DLGAP3: variants seen among roughly 807,000 people sequenced by gnomAD.
DLGAP3 encodes the protein disks large-associated protein 3.
A neutral mutation model predicts 81.2 loss-of-function variants in DLGAP3; 17 were observed. The observed-to-expected ratio is 0.21, with a 90% CI of 0.14 to 0.31. DLGAP3 has a LOEUF of 0.31. DLGAP3 is among the 10% of genes least tolerant of loss of function. DLGAP3 has a pLI of 1.00. For synonymous variants in DLGAP3, 577 were observed against 587.4 expected (o/e 0.98, Z 0.26); for missense variants, 1,124 against 1,388.0 (o/e 0.81, Z 3.02).
At chr1:34,928,681 C>G (rs761219824) in intron 1 of DLGAP3, among the ~76,000 whole-genome samples, 2 of 151,962 alleles carry the variant, frequency 1.3e-5, no homozygotes, top group African/African-American at 4.8e-5. Context: ...CAGAGTGAAC[C>G]GCGCTCAGAT....
At chr1:34,887,510 T>G (rs1201798858) in intron 5 of DLGAP3, among the ~76,000 whole-genome samples, 1 of 152,100 alleles carries the variant, frequency 6.6e-6, no homozygotes, top group Non-Finnish European at 1.5e-5. Context: ...CCACAGAGGT[T>G]GCAGCTTCAT....
chr1:34,899,376 C>A (rs1268069707), intron 5 of DLGAP3, among the ~76,000 whole-genome samples: 2 of 152,294 alleles, frequency 1.3e-5, no homozygotes, highest in Non-Finnish European at 2.9e-5. Flanking sequence ...CCAATCCTAC[C>A]TTTTACATGG....
chr1:34,921,687 G>A (rs150807615), intron 1 of DLGAP3, among the ~76,000 whole-genome samples: 193 of 152,344 alleles, frequency 1.3e-3, no homozygotes, highest in African/African-American at 4.3e-3. Context: ...AGGCACTTGC[G>A]ATGGGGAAGG....
intron 1 of DLGAP3, among the ~76,000 whole-genome samples, chr1:34,922,651 T>G (rs576567561): frequency 6.6e-6 from 1 of 152,324 alleles, no homozygotes; most frequent in East Asian, 1.9e-4. Flanking sequence ...TACAAATAGA[T>G]GTGCTTATAC....
At chr1:34,882,706 T>G (rs768167769) in intron 8 of DLGAP3, among the ~76,000 whole-genome samples, 1 of 150,660 alleles carries the variant, frequency 6.6e-6, no homozygotes, top group East Asian at 1.9e-4. Flanking sequence ...GCTTGTGATC[T>G]TTCATGAACA....
chr1:34,916,408 T>C (rs1356828700), intron 1 of DLGAP3, among the ~76,000 whole-genome samples: 1 of 152,240 alleles, frequency 6.6e-6, no homozygotes, highest in Non-Finnish European at 1.5e-5. Context: ...GTTAGGCTCC[T>C]GAATACCTAC....
chr1:34,884,290 C>G (rs1044731414), intron 8 of DLGAP3, among the ~76,000 whole-genome samples: 1 of 151,990 alleles, frequency 6.6e-6, no homozygotes, highest in African/African-American at 2.4e-5. Context: ...TTATGGCCAG[C>G]CCCTGGCAAG....
At chr1:34,928,640 T>TG (rs918324191) in intron 1 of DLGAP3, among the ~76,000 whole-genome samples, 8 of 151,394 alleles carry the variant, frequency 5.3e-5, no homozygotes, top group Admixed American at 2.0e-4. Flanking sequence ...GGGGGGACAG[T>TG]GGGGGGGACA....
At chr1:34,916,559 A>G (rs1174848767) in intron 1 of DLGAP3, among the ~76,000 whole-genome samples, 3 of 152,228 alleles carry the variant, frequency 2.0e-5, no homozygotes, top group Admixed American at 6.5e-5. Context: ...AAAATTTCCC[A>G]AGGTCACATA....
At chr1:34,897,890 G>C (rs1322676549) in intron 5 of DLGAP3, among the ~76,000 whole-genome samples, 1 of 152,106 alleles carries the variant, frequency 6.6e-6, no homozygotes, top group Non-Finnish European at 1.5e-5. Context: ...GAGAGAAAGT[G>C]GTCAAGACTG....
intron 5 of DLGAP3, among the ~76,000 whole-genome samples, chr1:34,898,641 G>A (rs1033331133): frequency 6.6e-6 from 1 of 152,192 alleles, no homozygotes; most frequent in African/African-American, 2.4e-5. Flanking sequence ...TGCTGGCTAT[G>A]TGCCAAGAAC....
rs1639507183 is a variant in DLGAP3, at chr1:34,904,335, C to T, written c.1049G>A (p.Gly350Asp). ...GRDGYPGAGPGKGLLGPETKA... is the reference protein window; with the variant it reads ...GRDGYPGAGPDKGLLGPETKA... The stretch of plus-strand genomic sequence containing the variant: ...GGTCTCCGGACCCAGGAGCCCCTTG[C>T]CTGGCCCGGCCCCCGGGTATCCATC... The change falls in exon 3 of 12, where the codon GGC becomes GAC. Residue 350 changes from glycine to aspartate, a missense_variant. Gly to Asp is a moderately conservative substitution (Grantham distance 94). Coordinates refer to ENST00000373347, the MANE Select transcript of DLGAP3 (RefSeq NM_001080418.3). This position sits in a 1 kb window ranked among gnomAD's most constrained non-coding sequence, Gnocchi z 8.1. 2 of 1,611,332 alleles carry T rather than the reference C, an allele frequency of 1.2e-6. No individual in the cohort carries two copies. The highest frequency in any genetic ancestry group is 8.5e-7 in the Non-Finnish European group (1 of 1,180,038).
At position 34,923,523 on chromosome 1, in the gene DLGAP3, T is replaced by C. The variant is rs191661455; in HGVS notation, c.-135+5928A>G. Among the ~76,000 whole-genome samples the C allele has an allele frequency of 1.4e-3, 210 of 152,100 alleles. 1 individual carries two copies. Among genetic ancestry groups the C allele is most frequent in the Non-Finnish European group, 2.1e-3 (144 of 67,970 alleles). ...GTGGATCAGGAAGAGCAGGACTCTC[T>C]AAGGGGCCAGGGAAAAGGGGGTGGA... On this transcript the variant is annotated intron_variant, in intron 1 of 11. Transcript: ENST00000373347.
intron 3 of DLGAP3, among the ~76,000 whole-genome samples, chr1:34,901,393 G>C (rs778896344): frequency 6.6e-6 from 1 of 152,172 alleles, no homozygotes; most frequent in South Asian, 2.1e-4. Flanking sequence ...AGAATAAAAG[G>C]AGTCGATTAT....
At chr1:34,882,711 T>C (rs1044906979) in intron 8 of DLGAP3, among the ~76,000 whole-genome samples, 3 of 148,284 alleles carry the variant, frequency 2.0e-5, no homozygotes, top group African/African-American at 7.5e-5. Flanking sequence ...TGATCTTTCA[T>C]GAACATAAGT....
intron 1 of DLGAP3, among the ~76,000 whole-genome samples, chr1:34,917,346 CT>C (rs548309308): frequency 0.011 from 1,497 of 133,260 alleles, 15 homozygotes; most frequent in African/African-American, 0.026. Context: ...ATCCTTTTTC[CT>C]TTTTTTTTTT....
intron 8 of DLGAP3, among the ~76,000 whole-genome samples, chr1:34,871,039 T>C (rs539819227): frequency 1.3e-5 from 2 of 152,350 alleles, no homozygotes; most frequent in East Asian, 3.9e-4. Context: ...AGTTCCTCTC[T>C]CTAAAATTAT....
At chr1:34,903,400 T>C (rs984736165) in intron 3 of DLGAP3, among the ~76,000 whole-genome samples, 3 of 152,238 alleles carry the variant, frequency 2.0e-5, no homozygotes, top group Non-Finnish European at 2.9e-5. Flanking sequence ...AAAACGCTCA[T>C]TGAATAAATA....
rs1265560495 is a variant in DLGAP3, at chr1:34,880,528, C to T, written c.2000+4450G>A. On this transcript the variant is annotated intron_variant, in intron 8 of 11. Coordinates refer to ENST00000373347, the MANE Select transcript of DLGAP3 (RefSeq NM_001080418.3). Reference sequence around the variant, plus strand: ...GGCGGATCACCTGAGGTCAGAAGTTCGAGACCAGCCTAGTCAACATGGTGA... The same window carrying T: ...GGCGGATCACCTGAGGTCAGAAGTTTGAGACCAGCCTAGTCAACATGGTGA... Among the ~76,000 whole-genome samples, 8 of 152,070 alleles carry T rather than the reference C, an allele frequency of 5.3e-5. No homozygotes were observed. The East Asian group carries it at 5.8e-4, about 11-fold the overall frequency.
Sources: gnomAD v4.1 joint callset for allele counts (sites outside exome capture counted in the v4.1 genomes callset) on GRCh38, gnomAD v4.1.1 for gene constraint, Gnocchi (gnomAD v3.1) non-coding constraint, MANE v1.5 for transcripts, NCBI Gene and HGNC (gene_info 2026-07-23, HGNC 2026-07-21) for gene names.